The following CCZ1 variants were observed in gnomAD, a reference collection of about 807,000 sequenced individuals.
CCZ1 encodes vacuolar fusion protein CCZ1 homolog.
CCZ1 carries 19 observed loss-of-function variants against 57.8 expected under a neutral mutation model. The ratio of observed to expected loss-of-function variants is 0.33; its 90% confidence interval spans 0.23 to 0.48. The LOEUF (loss-of-function observed/expected upper bound fraction) is 0.48, where lower values mean the gene tolerates loss of function less well. Ranked by LOEUF, CCZ1 falls within the 20% of genes least tolerant of loss-of-function variation. The pLI is 0.99. For missense variants in CCZ1, 200 were observed against 492.0 expected (o/e 0.41, Z 5.61); for synonymous variants, 81 against 167.0 (o/e 0.49, Z 3.97).
At chr7:5,912,009 A>G in intron 9 of CCZ1, 87 bp downstream of exon 9, 1 of 1,573,286 alleles carries the variant, frequency 6.4e-7, no homozygotes, top group Non-Finnish European at 8.6e-7. Flanking sequence ...GCTGGAGAGC[A>G]GTGGCAAGAT....
At position 5,905,323 on chromosome 7, in the gene CCZ1, A is replaced by G. The variant is rs1022135109; in HGVS notation, c.698+54A>G. On this transcript the variant is annotated intron_variant, in intron 7 of 14. Transcript: ENST00000325974. ...AAGAAGAAATTAAGATAATAAAAAC[A>G]GCAGTGACTGGATTGATGACAGGTT... The G allele has an allele frequency of 1.6e-5, 17 of 1,039,734 alleles. 2 individuals are homozygous for G. In the African/African-American group the frequency reaches 2.8e-4, roughly 17 times the overall value. The allele number at this position is 1,039,734 out of a possible 1,614,324, so 64.4% of individuals were successfully genotyped here. A position where few individuals can be genotyped will look rare whatever the true frequency, so the allele number is the denominator to read the frequency against.
At chr7:5,899,595 C>CAAAA (rs527239502) in intron 1 of CCZ1, among the ~76,000 whole-genome samples, 37 of 93,722 alleles carry the variant, frequency 3.9e-4, no homozygotes, top group African/African-American at 1.5e-3. Context: ...CCCAACTCTA[C>CAAAA]AAAAAAAAAA....
chr7:5,914,967 C>G (rs947799724), intron 10 of CCZ1, among the ~76,000 whole-genome samples: 2 of 146,058 alleles, frequency 1.4e-5, no homozygotes, highest in African/African-American at 2.6e-5. Flanking sequence ...GGTCATCCGT[C>G]AGCAGAATAA....
chr7:5,904,558 C>A (rs981367283), intron 6 of CCZ1, among the ~76,000 whole-genome samples: 12 of 146,108 alleles, frequency 8.2e-5, no homozygotes, highest in Non-Finnish European at 1.5e-4. Flanking sequence ...TTTGGCCAGG[C>A]GTGGTGGCTC....
At position 5,900,485 on chromosome 7, in the gene CCZ1, A is replaced by G; in HGVS notation, c.231A>G (p.Pro77=). ...TTAACCTTTGTAGGACATTTAGCCC[A>G]TCAAAACCTGCAAAATCTTTACATA... ...AIVQFTRTFS[P]SKPAKSLHTQ... is the part of the protein sequence containing the mutation. Residue 77 remains proline, a synonymous_variant, in exon 3 of 15, where the codon CCA becomes CCG. Coordinates refer to ENST00000325974, the MANE Select transcript of CCZ1 (RefSeq NM_015622.6). The G allele has an allele frequency of 6.3e-7, 1 of 1,599,288 alleles. No homozygotes were observed. Among genetic ancestry groups the G allele is most frequent in the Non-Finnish European group, 8.5e-7 (1 of 1,177,252 alleles).
At chr7:5,920,672 A>G (rs1779222200) in intron 12 of CCZ1, among the ~76,000 whole-genome samples, 1 of 141,118 alleles carries the variant, frequency 7.1e-6, no homozygotes, top group African/African-American at 2.6e-5. Flanking sequence ...GGGTTTCACC[A>G]TGTTGGCCAG....
intron 12 of CCZ1, among the ~76,000 whole-genome samples, chr7:5,922,953 T>A (rs1354989124): frequency 6.7e-6 from 1 of 149,674 alleles, no homozygotes. Context: ...AACTGTCATT[T>A]TGGTGGGAAA....
chr7:5,912,806 C>G (rs1779068712), intron 9 of CCZ1, 37 bp from the exon 10 acceptor site: 1 of 915,452 alleles, frequency 1.1e-6, no homozygotes, highest in East Asian at 2.4e-5. Flanking sequence ...TCTCCTTCAC[C>G]TCGTTGAATC....
At position 5,905,697 on chromosome 7, in the gene CCZ1, A is replaced by G. The variant is rs1263984632; in HGVS notation, c.698+428A>G. 8.8e-4 allele frequency among the ~76,000 whole-genome samples: 113 copies of G among 127,850 alleles called. 7 individuals carry two copies. The East Asian group carries it at 0.014, about 15-fold the overall frequency. 83.9% of individuals were successfully genotyped at this position (127,850 alleles called of 152,430 possible). ...CTCAGGAGGCTGAGGCAGGAGAATC[A>G]CTTGAACCCGGGAGGCGGAGGTTGC... On this transcript the variant is annotated intron_variant, in intron 7 of 14. Coordinates refer to ENST00000325974, the MANE Select transcript of CCZ1 (RefSeq NM_015622.6).
chr7:5,911,084 G>C (rs1332003082), intron 8 of CCZ1, among the ~76,000 whole-genome samples: 2 of 148,828 alleles, frequency 1.3e-5, no homozygotes, highest in African/African-American at 2.5e-5. Context: ...AAATGCCAGT[G>C]ATCTTTAAAA....
chr7:5,903,741 CCCA>C (rs1176173672), intron 6 of CCZ1, among the ~76,000 whole-genome samples: 1 of 147,720 alleles, frequency 6.8e-6, no homozygotes, highest in Non-Finnish European at 1.5e-5. Flanking sequence ...CGCCTGTGAT[CCCA>C]CCACTTTGGG....
intron 12 of CCZ1, among the ~76,000 whole-genome samples, chr7:5,920,646 A>G (rs1449365471): frequency 9.2e-5 from 13 of 140,690 alleles, no homozygotes; most frequent in Non-Finnish European, 1.9e-4. Context: ...TCCTTTTTGT[A>G]TTTTTAGTAG....
rs1187933878 is a variant in CCZ1 at position 5,923,057 on chromosome 7, G to A, written c.1107-330G>A. ...GCCAGGGCCGGGCGCGGGGGCTCAC[G>A]CCTGTAATCCCTGCACTTTGGGAGG... On this transcript the variant is annotated intron_variant, in intron 12 of 14. Coordinates refer to ENST00000325974, the MANE Select transcript of CCZ1 (RefSeq NM_015622.6). 2.1e-4 allele frequency among the ~76,000 whole-genome samples: 27 copies of A among 129,228 alleles called. No homozygotes were observed. In the South Asian group the frequency reaches 3.2e-3, roughly 15 times the overall value. The allele number at this position is 129,228 out of a possible 152,430, so 84.8% of individuals were successfully genotyped here.
intron 8 of CCZ1, among the ~76,000 whole-genome samples, chr7:5,910,625 C>A (rs1277667545): frequency 2.1e-5 from 3 of 144,600 alleles, no homozygotes; most frequent in Non-Finnish European, 4.6e-5. Context: ...CGCCCCCAGT[C>A]CACAAGCATG....
chr7:5,908,077 C>G (rs1781877370), intron 7 of CCZ1, among the ~76,000 whole-genome samples: 1 of 141,572 alleles, frequency 7.1e-6, no homozygotes, highest in South Asian at 2.4e-4. Flanking sequence ...CACTGTACTC[C>G]AGCCTGGGTG....
At chr7:5,904,744 T>C (rs1188261855) in intron 6 of CCZ1, among the ~76,000 whole-genome samples, 1 of 147,504 alleles carries the variant, frequency 6.8e-6, no homozygotes, top group Non-Finnish European at 1.5e-5. Context: ...GGCAGGAGAA[T>C]GGTGTGAACC....
At chr7:5,909,972 A>G (rs1444156843) in intron 7 of CCZ1, 63 bp from the exon 8 acceptor site, 1 of 1,444,132 alleles carries the variant, frequency 6.9e-7, no homozygotes, top group Non-Finnish European at 9.5e-7. Context: ...GAGCTTTATC[A>G]CAGCAGTGGA....
intron 10 of CCZ1, among the ~76,000 whole-genome samples, chr7:5,915,471 A>G (rs1779129800): frequency 7.2e-6 from 1 of 138,056 alleles, no homozygotes; most frequent in African/African-American, 2.5e-5. Flanking sequence ...GAGTCAATCT[A>G]CAGACATATT....
At chr7:5,899,525 A>C (rs1352257303) in intron 1 of CCZ1, among the ~76,000 whole-genome samples, 1 of 129,614 alleles carries the variant, frequency 7.7e-6, no homozygotes, top group Non-Finnish European at 1.6e-5. Flanking sequence ...TAGGAGGCCG[A>C]GATGGGAGGA....
Sources: gnomAD v4.1 joint callset for allele counts (sites outside exome capture counted in the v4.1 genomes callset) on GRCh38, gnomAD v4.1.1 for gene constraint, MANE v1.5 for transcripts, NCBI Gene and HGNC (gene_info 2026-07-23, HGNC 2026-07-21) for gene names.